The following SLC39A11 variants were observed in gnomAD, a reference collection of about 807,000 sequenced individuals.
SLC39A11 encodes zinc transporter ZIP11.
A neutral mutation model predicts 36.1 loss-of-function variants in SLC39A11; 33 were observed. That is an observed-to-expected ratio of 0.91 (90% CI 0.69 to 1.22). The LOEUF (loss-of-function observed/expected upper bound fraction) is 1.22, where lower values mean the gene tolerates loss of function less well. SLC39A11 is among the 50% of genes most tolerant of loss of function. The probability of loss-of-function intolerance (pLI) is 0.00; values close to 1 mark genes in which losing one functional copy is unlikely to be tolerated. For missense variants in SLC39A11, 432 were observed against 430.3 expected (o/e 1.00, Z -0.03); for synonymous variants, 166 against 170.3 (o/e 0.97, Z 0.20).
intron 7 of SLC39A11, among the ~76,000 whole-genome samples, chr17:72,713,893 A>T (rs1315718485): frequency 6.6e-6 from 1 of 152,166 alleles, no homozygotes; most frequent in East Asian, 1.9e-4. Context: ...TAGGCCCATT[A>T]TACAGATTTT....
At chr17:73,027,435 G>A (rs1212307679) in intron 4 of SLC39A11, among the ~76,000 whole-genome samples, 1 of 152,128 alleles carries the variant, frequency 6.6e-6, no homozygotes, top group African/African-American at 2.4e-5. Context: ...ATCCCTGTCA[G>A]TTCACTTCCC....
chr17:72,771,175 A>G (rs756891883), intron 6 of SLC39A11, among the ~76,000 whole-genome samples: 1 of 151,908 alleles, frequency 6.6e-6, no homozygotes, highest in Non-Finnish European at 1.5e-5. Flanking sequence ...ACTTGAGGTC[A>G]GGAGCTCAAG....
intron 7 of SLC39A11, among the ~76,000 whole-genome samples, chr17:72,650,721 A>C (rs2069810408): frequency 6.6e-6 from 1 of 152,162 alleles, no homozygotes; most frequent in Non-Finnish European, 1.5e-5. Flanking sequence ...AAACTCCACC[A>C]TCACCGACTT....
intron 5 of SLC39A11, among the ~76,000 whole-genome samples, chr17:72,891,631 C>T (rs1004756039): frequency 6.6e-6 from 1 of 152,064 alleles, no homozygotes; most frequent in African/African-American, 2.4e-5. Flanking sequence ...GTCACTCTCT[C>T]TCCGGCCATT....
At chr17:73,006,144 C>T (rs2090167160) in intron 4 of SLC39A11, among the ~76,000 whole-genome samples, 1 of 152,046 alleles carries the variant, frequency 6.6e-6, no homozygotes, top group African/African-American at 2.4e-5. Context: ...AATGTTCCAA[C>T]ACATGGATAA....
intron 5 of SLC39A11, among the ~76,000 whole-genome samples, chr17:72,860,610 G>A (rs577275470): frequency 1.2e-4 from 19 of 152,308 alleles, no homozygotes; most frequent in African/African-American, 4.6e-4. Context: ...GCACAGCTCA[G>A]GGAGACAAGC....
At chr17:72,738,046 C>T (rs577850660) in intron 6 of SLC39A11, among the ~76,000 whole-genome samples, 2 of 152,220 alleles carry the variant, frequency 1.3e-5, no homozygotes, top group East Asian at 1.9e-4. Context: ...GCTCTGTCAC[C>T]CAGACTGGAG....
intron 6 of SLC39A11, among the ~76,000 whole-genome samples, chr17:72,761,801 A>G (rs2075587716): frequency 6.6e-6 from 1 of 152,204 alleles, no homozygotes; most frequent in African/African-American, 2.4e-5. Context: ...GCAATGTCCT[A>G]ATGAGCAACA....
intron 6 of SLC39A11, among the ~76,000 whole-genome samples, chr17:72,795,686 C>A (rs891688): frequency 6.6e-6 from 1 of 152,096 alleles, no homozygotes; most frequent in South Asian, 2.1e-4. Context: ...ATCCTCCCAA[C>A]AGAAGAGTTC....
At chr17:73,044,538 C>T (rs116541299) in intron 3 of SLC39A11, among the ~76,000 whole-genome samples, 2 of 152,212 alleles carry the variant, frequency 1.3e-5, no homozygotes, top group African/African-American at 2.4e-5. Context: ...TGGGAGGGAG[C>T]CTGACTTAGG....
In SLC39A11 at chr17:73,056,828, T is replaced by C. The variant is rs1392327721; in HGVS notation, c.148-25114A>G. Among the ~76,000 whole-genome samples, 7 of 152,188 alleles carry C rather than the reference T, an allele frequency of 4.6e-5. No individual in the cohort carries two copies. The East Asian group carries it at 7.7e-4, about 17-fold the overall frequency. ...TATGAACCCAGAACCTGTGCTTTTC[T>C]AGAGAAAGAGAGAACTTTACCAAGA... On this transcript the variant is annotated intron_variant, in intron 3 of 9. Coordinates refer to ENST00000255559, the MANE Select transcript of SLC39A11 (RefSeq NM_139177.4).
At chr17:72,677,938 T>C (rs2071346328) in intron 7 of SLC39A11, among the ~76,000 whole-genome samples, 1 of 152,106 alleles carries the variant, frequency 6.6e-6, no homozygotes, top group African/African-American at 2.4e-5. Context: ...TACAAGCCCA[T>C]CCAGTGCTCC....
chr17:72,780,059 G>C lies in SLC39A11; in HGVS notation c.602-43340C>G, dbSNP rs146273161. Among the ~76,000 whole-genome samples, 1,345 of 152,252 alleles carry C rather than the reference G, an allele frequency of 8.8e-3. 32 individuals are homozygous for C. The highest frequency in any genetic ancestry group is 0.051 in the Admixed American group (786 of 15,288). ...TTGGTCAAGCATTGACCATCCCCTT[G>C]GTCAGTGTACTCAAGGATCACCAAG... On this transcript the variant is annotated intron_variant, in intron 6 of 9. Transcript: ENST00000255559.
chr17:72,859,458 G>GC (rs921884431), intron 5 of SLC39A11, among the ~76,000 whole-genome samples: 18 of 152,008 alleles, frequency 1.2e-4, no homozygotes, highest in African/African-American at 4.3e-4. Flanking sequence ...CTCTACTTGA[G>GC]CCCCTGAGGG....
At chr17:72,854,962 G>A (rs1203450820) in intron 5 of SLC39A11, among the ~76,000 whole-genome samples, 3 of 152,118 alleles carry the variant, frequency 2.0e-5, no homozygotes, top group Non-Finnish European at 2.9e-5. Context: ...AAGCAGACAC[G>A]GGTCTTGCGG....
rs532840429 is a variant in SLC39A11 at position 72,862,303 on chromosome 17, C to T, written c.431-12499G>A. Among the ~76,000 whole-genome samples the T allele has an allele frequency of 9.2e-5, 14 of 152,132 alleles. No homozygotes were observed. In the South Asian group the frequency reaches 1.2e-3, roughly 14 times the overall value. ...ACAGACAAAGGCTGACCTGAGGTTG[C>T]GTGGAGCTAACAGAGCCAAGAAAAA... On this transcript the variant is annotated intron_variant, in intron 5 of 9. Transcript: ENST00000255559.
At chr17:72,969,572 C>A (rs953563259) in intron 4 of SLC39A11, among the ~76,000 whole-genome samples, 1 of 147,094 alleles carries the variant, frequency 6.8e-6, no homozygotes, top group South Asian at 2.3e-4. Flanking sequence ...GCATCCTCTT[C>A]CCCCTACTCC....
intron 4 of SLC39A11, among the ~76,000 whole-genome samples, chr17:72,952,123 T>C (rs556722480): frequency 1.4e-4 from 22 of 152,222 alleles, no homozygotes; most frequent in African/African-American, 5.3e-4. Context: ...ACAACCAGGG[T>C]CAGCTATGCA....
At chr17:72,858,402 G>A (rs772131249) in intron 5 of SLC39A11, among the ~76,000 whole-genome samples, 11 of 152,164 alleles carry the variant, frequency 7.2e-5, no homozygotes, top group African/African-American at 1.2e-4. Context: ...TTTGAAGTTC[G>A]GAAATGTGAT....
Sources: gnomAD v4.1 joint callset for allele counts (sites outside exome capture counted in the v4.1 genomes callset) on GRCh38, gnomAD v4.1.1 for gene constraint, MANE v1.5 for transcripts, NCBI Gene and HGNC (gene_info 2026-07-23, HGNC 2026-07-21) for gene names.